FAF1: variants seen among roughly 807,000 people sequenced by gnomAD.
FAF1 encodes FAS-associated factor 1.
FAF1 carries 25 observed loss-of-function variants against 92.5 expected under a neutral mutation model. The observed-to-expected ratio is 0.27, with a 90% CI of 0.20 to 0.38. The LOEUF (loss-of-function observed/expected upper bound fraction) is 0.38. Ranked by LOEUF, FAF1 falls within the 10% of genes least tolerant of loss-of-function variation. The pLI, the probability that FAF1 is intolerant of heterozygous loss-of-function variation, is 1.00. For synonymous variants in FAF1, 234 were observed against 273.2 expected (o/e 0.86, Z 1.42); for missense variants, 636 against 793.3 (o/e 0.80, Z 2.38).
intron 13 of FAF1, among the ~76,000 whole-genome samples, chr1:50,560,659 T>C (rs1326874456): frequency 2.0e-5 from 3 of 152,236 alleles, no homozygotes; most frequent in African/African-American, 4.8e-5. Flanking sequence ...AAGCAATTCA[T>C]TTTCCAGCAC....
chr1:50,907,664 CAT>C (rs1191720479), intron 1 of FAF1, among the ~76,000 whole-genome samples: 2 of 152,114 alleles, frequency 1.3e-5, no homozygotes, highest in African/African-American at 2.4e-5. Context: ...AGTTTTTTTT[CAT>C]AGAGTTGTTT....
At chr1:50,794,430 G>A (rs566857402) in intron 3 of FAF1, among the ~76,000 whole-genome samples, 4 of 152,176 alleles carry the variant, frequency 2.6e-5, no homozygotes, top group East Asian at 1.9e-4. Context: ...GTTGTACTAC[G>A]TTCACCACTT....
chr1:50,931,012 ATTGT>A (rs891356777), intron 1 of FAF1, among the ~76,000 whole-genome samples: 23 of 152,188 alleles, frequency 1.5e-4, no homozygotes, highest in Non-Finnish European at 3.2e-4. Context: ...TACATGATAT[ATTGT>A]TTGTCCATCC....
chr1:50,880,608 A>G (rs1453844037), intron 1 of FAF1, among the ~76,000 whole-genome samples: 1 of 152,234 alleles, frequency 6.6e-6, no homozygotes, highest in Non-Finnish European at 1.5e-5. Flanking sequence ...TCTGCAAGCC[A>G]GGAGGAGCCT....
intron 8 of FAF1, chr1:50,612,343 C>T: frequency 1.6e-6 from 2 of 1,241,578 alleles, no homozygotes. Flanking sequence ...CAAGCAGATT[C>T]CTCATTTTAT....
intron 12 of FAF1, among the ~76,000 whole-genome samples, chr1:50,568,988 CTT>C (rs536862674): frequency 9.9e-5 from 15 of 152,212 alleles, no homozygotes; most frequent in Admixed American, 7.2e-4. Context: ...TTGAAATGCT[CTT>C]TGTGTCAGGC....
At chr1:50,681,814 C>T (rs1046560980) in intron 7 of FAF1, among the ~76,000 whole-genome samples, 6 of 151,080 alleles carry the variant, frequency 4.0e-5, no homozygotes, top group East Asian at 2.0e-4. Context: ...CCACTGTTCC[C>T]GGCCTCTTTT....
intron 8 of FAF1, among the ~76,000 whole-genome samples, chr1:50,627,965 T>C (rs1653587623): frequency 6.6e-6 from 1 of 152,196 alleles, no homozygotes; most frequent in Non-Finnish European, 1.5e-5. Context: ...AAAGCCAGAA[T>C]GGCATGAGTT....
chr1:50,793,851 G>C lies in FAF1; in HGVS notation c.162-5646C>G, dbSNP rs74080079. Among the ~76,000 whole-genome samples, 1,177 of 152,240 alleles carry C rather than the reference G, an allele frequency of 7.7e-3. 13 individuals carry two copies. The highest frequency in any genetic ancestry group is 0.027 in the African/African-American group (1,137 of 41,554). ...CTGAATTGCATAAGCAGCAAGTATA[G>C]GTTAAGTCTCCCTAATCCATAAGTC... On this transcript the variant is annotated intron_variant, in intron 3 of 18. Transcript: ENST00000396153.
chr1:50,448,506 G>A (rs1026074326), intron 18 of FAF1, among the ~76,000 whole-genome samples: 45 of 152,180 alleles, frequency 3.0e-4, no homozygotes, highest in Non-Finnish European at 2.2e-4. Flanking sequence ...CTCCCACACA[G>A]GGGTGAGAAC....
chr1:50,507,259 T>C (rs773428409), intron 15 of FAF1, among the ~76,000 whole-genome samples: 1 of 152,182 alleles, frequency 6.6e-6, no homozygotes, highest in Non-Finnish European at 1.5e-5. Context: ...CACAGTGATG[T>C]CAAAAAGAAT....
At chr1:50,778,167 A>G (rs1009872418) in intron 4 of FAF1, among the ~76,000 whole-genome samples, 1 of 152,240 alleles carries the variant, frequency 6.6e-6, no homozygotes, top group Admixed American at 6.5e-5. Flanking sequence ...AGTTAAACAC[A>G]GTATACAATG....
chr1:50,940,663 T>C lies in FAF1; in HGVS notation c.45+19104A>G, dbSNP rs182233192. Among the ~76,000 whole-genome samples the C allele has an allele frequency of 2.0e-5, 3 of 152,384 alleles. No homozygotes were observed. In the East Asian group the frequency reaches 5.8e-4, roughly 29 times the overall value. ...TTAAGCAAATTACTTTGCATTGATATAGATTTATACTAACATAATTATTTA... is the reference window on the plus strand; with the variant it reads ...TTAAGCAAATTACTTTGCATTGATACAGATTTATACTAACATAATTATTTA... On this transcript the variant is annotated intron_variant, in intron 1 of 18. Coordinates refer to ENST00000396153, the MANE Select transcript of FAF1 (RefSeq NM_007051.3).
intron 2 of FAF1, among the ~76,000 whole-genome samples, chr1:50,832,719 T>C (rs1349652676): frequency 6.6e-6 from 1 of 152,206 alleles, no homozygotes; most frequent in Non-Finnish European, 1.5e-5. Context: ...CTTTATGCTG[T>C]TTCTGACTGA....
intron 8 of FAF1, among the ~76,000 whole-genome samples, chr1:50,601,399 C>T (rs1270897789): frequency 4.6e-5 from 7 of 152,016 alleles, no homozygotes; most frequent in Admixed American, 3.3e-4. Flanking sequence ...GTAGGCTGGG[C>T]GTGGTGGCTC....
chr1:50,805,702 C>CT (rs1471083583), intron 2 of FAF1, among the ~76,000 whole-genome samples: 1 of 152,022 alleles, frequency 6.6e-6, no homozygotes, highest in Non-Finnish European at 1.5e-5. Flanking sequence ...AACTTTAGTC[C>CT]TTTTTTGTAA....
intron 2 of FAF1, among the ~76,000 whole-genome samples, chr1:50,835,296 A>G (rs1405724370): frequency 6.6e-6 from 1 of 152,226 alleles, no homozygotes; most frequent in Non-Finnish European, 1.5e-5. Flanking sequence ...CCAGTAATCC[A>G]AACTGAGACT....
intron 18 of FAF1, chr1:50,470,638 A>C (rs1646560021): frequency 6.6e-6 from 1 of 152,216 alleles, no homozygotes; most frequent in South Asian, 2.1e-4. Context: ...TTATTACAGC[A>C]GATACTGTTT....
At chr1:50,725,549 A>G (rs991845589) in intron 6 of FAF1, among the ~76,000 whole-genome samples, 3 of 152,128 alleles carry the variant, frequency 2.0e-5, no homozygotes, top group African/African-American at 7.2e-5. Flanking sequence ...TCTGCCTCCC[A>G]GGTTCAAGCA....
Sources: gnomAD v4.1 joint callset for allele counts (sites outside exome capture counted in the v4.1 genomes callset) on GRCh38, gnomAD v4.1.1 for gene constraint, MANE v1.5 for transcripts, NCBI Gene and HGNC (gene_info 2026-07-23, HGNC 2026-07-21) for gene names.